FAM228B: variants seen among roughly 807,000 people sequenced by gnomAD.
FAM228B encodes the protein protein FAM228B.
Under a neutral mutation model 42.6 loss-of-function variants are expected in FAM228B, and 38 were observed. That is an observed-to-expected ratio of 0.89 (90% CI 0.69 to 1.17). FAM228B has a LOEUF of 1.17. Ranked by LOEUF, FAM228B falls within the 50% of genes most tolerant of loss-of-function variation. FAM228B has a pLI of 0.00. For synonymous variants in FAM228B, 109 were observed against 122.3 expected (o/e 0.89, Z 0.72); for missense variants, 344 against 367.3 (o/e 0.94, Z 0.52).
upstream of FAM228B, among the ~76,000 whole-genome samples, chr2:24,122,169 T>C (rs897316808): frequency 6.6e-6 from 1 of 151,992 alleles, no homozygotes; most frequent in Admixed American, 6.6e-5. Context: ...CCATCTCTAC[T>C]AAAAATACAA....
At chr2:24,157,626 T>TAA (rs1293020266) in intron 7 of FAM228B, among the ~76,000 whole-genome samples, 5 of 151,866 alleles carry the variant, frequency 3.3e-5, no homozygotes, top group Non-Finnish European at 7.4e-5. Context: ...TAATTCCAGC[T>TAA]ACTCAGGAGT....
chr2:24,112,375 A>G (rs1000247269), intron 3 of FAM228B, among the ~76,000 whole-genome samples: 7 of 141,694 alleles, frequency 4.9e-5, no homozygotes, highest in Non-Finnish European at 8.9e-5. Flanking sequence ...ATCTTGGCTC[A>G]CTGCAACCTC....
In FAM228B at chr2:24,139,436, C is replaced by T. The variant is rs1666696161; in HGVS notation, c.427C>T (p.Pro143Ser). The T allele has an allele frequency of 1.3e-6, 2 of 1,544,602 alleles. No individual in the cohort carries two copies. The highest frequency in any genetic ancestry group is 1.8e-6 in the Non-Finnish European group (2 of 1,141,594). Residue 143 changes from proline to serine, a missense_variant, in exon 5 of 11, where the codon CCC becomes TCC. Transcript: ENST00000615575. Reference protein sequence around the residue: ...YDPFYMSKKDPNFLKVTIPPF... With the variant: ...YDPFYMSKKDSNFLKVTIPPF... ...TCCCTTTTATATGAGCAAGAAGGAC[C>T]CCAATTTTCTGAAGGTAGGGTAGAT...
chr2:24,135,917 A>G (rs10200175), intron 3 of FAM228B, among the ~76,000 whole-genome samples: 1 of 146,912 alleles, frequency 6.8e-6, no homozygotes, highest in Admixed American at 6.8e-5. Context: ...AGGTTATGCC[A>G]CACTTCTGCC....
intron 2 of FAM228B, chr2:24,083,294 AG>A (rs1665099771): frequency 1.9e-6 from 2 of 1,069,104 alleles, no homozygotes; most frequent in African/African-American, 3.2e-5. Flanking sequence ...AGTAAGGAGA[AG>A]AAAAAGGAGA....
intron 2 of FAM228B, among the ~76,000 whole-genome samples, chr2:24,087,855 A>G (rs1405779389): frequency 6.6e-6 from 1 of 150,394 alleles, no homozygotes; most frequent in Non-Finnish European, 1.5e-5. Context: ...AATCCTCTCA[A>G]GTAGCTGGGA....
At chr2:24,157,127 A>G (rs910389421) in intron 7 of FAM228B, among the ~76,000 whole-genome samples, 3 of 152,122 alleles carry the variant, frequency 2.0e-5, no homozygotes, top group Admixed American at 2.0e-4. Flanking sequence ...ATGTATTTGC[A>G]TGGTTTTGAG....
intron 3 of FAM228B, among the ~76,000 whole-genome samples, chr2:24,118,179 C>G (rs912266694): frequency 2.0e-5 from 3 of 152,184 alleles, no homozygotes; most frequent in Admixed American, 6.5e-5. Flanking sequence ...ATCTCATATT[C>G]TGGTTATTTT....
At chr2:24,158,196 C>CTTTTGTTTTTTTTT (rs1667199750) in intron 7 of FAM228B, among the ~76,000 whole-genome samples, 1 of 53,200 alleles carries the variant, frequency 1.9e-5, no homozygotes, top group African/African-American at 9.3e-5. Context: ...TCTGAACCTC[C>CTTTTGTTTTTTTTT]TTTTTTTTTT....
At chr2:24,107,091 A>G (rs929452306) in intron 3 of FAM228B, among the ~76,000 whole-genome samples, 1 of 152,208 alleles carries the variant, frequency 6.6e-6, no homozygotes, top group East Asian at 1.9e-4. Flanking sequence ...AAAATCTACA[A>G]AGCAAACAGA....
rs765163231 is a variant in FAM228B, at chr2:24,080,795, T to G, written c.-289-81T>G. The stretch of plus-strand genomic sequence containing the variant: ...ATTTAATCATCTCTTAAATTCCTGC[T>G]GAACTGTAGAAGCAGTTGTTTACCT... On this transcript the variant is annotated intron_variant, in intron 1 of 10. Coordinates refer to the FAM228B transcript ENST00000613899. This position sits in a 1 kb window ranked among gnomAD's most constrained non-coding sequence, Gnocchi z 4.7. 6.2e-7 allele frequency: 1 copy of G among 1,613,314 alleles called. No homozygotes were observed. The highest frequency in any genetic ancestry group is 8.5e-7 in the Non-Finnish European group (1 of 1,179,386).
intron 2 of FAM228B, among the ~76,000 whole-genome samples, chr2:24,130,909 G>A (rs1476287570): frequency 6.6e-5 from 10 of 151,990 alleles, no homozygotes; most frequent in Admixed American, 6.6e-4. Flanking sequence ...TTTCTTCTAG[G>A]GTTTTTATGG....
chr2:24,099,438 A>G (rs1323098904), intron 3 of FAM228B, among the ~76,000 whole-genome samples: 1 of 152,192 alleles, frequency 6.6e-6, no homozygotes, highest in Non-Finnish European at 1.5e-5. Context: ...AGGATACAAA[A>G]TCAGTGTGCA....
chr2:24,087,623 G>A (rs1281614113), intron 2 of FAM228B, among the ~76,000 whole-genome samples: 2 of 151,716 alleles, frequency 1.3e-5, no homozygotes, highest in African/African-American at 4.8e-5. Context: ...TTTTGTTGTT[G>A]TTGTTGAAAC....
intron 5 of FAM228B, 80 bp downstream of exon 5, chr2:24,139,530 A>C (rs1431279657): frequency 1.4e-6 from 1 of 714,886 alleles, no homozygotes; most frequent in African/African-American, 1.8e-5. Context: ...AGCAGTCCTT[A>C]AGCGATTCCC....
chr2:24,165,137 G>T (rs769987011), intron 9 of FAM228B, among the ~76,000 whole-genome samples: 2 of 152,180 alleles, frequency 1.3e-5, no homozygotes, highest in Non-Finnish European at 2.9e-5. Context: ...GGAATTTCTT[G>T]CATTTGAAGA....
chr2:24,132,464 G>GTTTTTTTTTTTTTT (rs548264853), intron 2 of FAM228B, among the ~76,000 whole-genome samples: 5 of 55,982 alleles, frequency 8.9e-5, no homozygotes, highest in East Asian at 6.2e-4. Context: ...TCCTGGGATT[G>GTTTTTTTTTTTTTT]TTTTTTTTTT....
chr2:24,096,461 A>G (rs1665499970), intron 3 of FAM228B: 1 of 152,208 alleles, frequency 6.6e-6, no homozygotes, highest in South Asian at 2.1e-4. Context: ...GCTGAAAACC[A>G]CGGCACAAGA....
intron 5 of FAM228B, among the ~76,000 whole-genome samples, chr2:24,143,097 A>G (rs1182462228): frequency 2.0e-5 from 3 of 152,226 alleles, no homozygotes; most frequent in Non-Finnish European, 4.4e-5. Flanking sequence ...GAGTTTGGGT[A>G]TAGTATCAAA....
Sources: allele counts gnomAD v4.1 joint callset (sites outside exome capture counted in the v4.1 genomes callset), GRCh38; gene constraint gnomAD v4.1.1; non-coding constraint Gnocchi (gnomAD v3.1); transcripts MANE v1.5; gene names NCBI Gene and HGNC (gene_info 2026-07-23, HGNC 2026-07-21).